The following ERICH1 variants were observed in gnomAD, a reference collection of about 807,000 sequenced individuals.
The protein encoded by ERICH1 is glutamate-rich protein 1.
Under a neutral mutation model 39.6 loss-of-function variants are expected in ERICH1, and 56 were observed. That is an observed-to-expected ratio of 1.41 (90% CI 1.14 to 1.77). ERICH1 has a LOEUF of 1.77. Ranked by LOEUF, ERICH1 falls within the 40% of genes most tolerant of loss-of-function variation. The pLI is 0.00. For missense variants in ERICH1, 826 were observed against 575.4 expected (o/e 1.44, Z -4.45); for synonymous variants, 313 against 223.6 (o/e 1.40, Z -3.57).
chr8:695,665 C>A (rs113193611), intron 2 of ERICH1, among the ~76,000 whole-genome samples: 6 of 25,146 alleles, frequency 2.4e-4, no homozygotes, highest in South Asian at 3.9e-3. Context: ...CCACTCCTCT[C>A]CTTCCTCCCC....
At chr8:680,798 T>A (rs1248892041) in intron 3 of ERICH1, among the ~76,000 whole-genome samples, 1 of 152,180 alleles carries the variant, frequency 6.6e-6, no homozygotes, top group Admixed American at 6.5e-5. Context: ...ATCCTGACAG[T>A]GTGTGAGAGA....
chr8:626,182 T>C (rs938062845), intron 3 of ERICH1: 1 of 152,146 alleles, frequency 6.6e-6, no homozygotes, highest in Non-Finnish European at 1.5e-5. Context: ...TGAGCAAAAA[T>C]AGACAGCACA....
rs1418083851 is a variant in ERICH1 at position 715,351 on chromosome 8, C to A, written c.169+510G>T. On this transcript the variant is annotated intron_variant, in intron 2 of 5. Coordinates refer to ENST00000262109, the MANE Select transcript of ERICH1 (RefSeq NM_207332.3). ...AGTCTCACAGGTGAGCGGAGTTGCA[C>A]TGCAGGGACCAGAGCTGATGGGACT... is the stretch of plus-strand genomic sequence containing the variant. Among the ~76,000 whole-genome samples, 4 of 152,214 alleles carry A rather than the reference C, an allele frequency of 2.6e-5. No individual in the cohort carries two copies. The East Asian group carries it at 7.7e-4, about 29-fold the overall frequency.
intron 4 of ERICH1, among the ~76,000 whole-genome samples, chr8:671,353 A>T (rs1703933): frequency 1.4e-4 from 14 of 99,192 alleles, no homozygotes; most frequent in Admixed American, 6.4e-4. Flanking sequence ...CTCCAGGCTG[A>T]GACCTCTGAA....
At chr8:635,060 C>A (rs11136940) in intron 3 of ERICH1, among the ~76,000 whole-genome samples, 30,704 of 151,508 alleles carry the variant, frequency 0.2, 3,370 homozygotes, top group Middle Eastern at 0.33. Flanking sequence ...GCTTTGGACA[C>A]TCAGGGACGT....
Position 639,733 on chromosome 8 carries a change from G to T in ERICH1, c.977-24449C>A, listed in dbSNP as rs1798778026. On this transcript the variant is annotated intron_variant, in intron 3 of 3. Coordinates refer to the ERICH1 transcript ENST00000522706. Reference sequence around the variant, plus strand: ...CAGCCAGCCACGAATCCAGTTAGCAGACACAACCAAGCACCCTGGATTCAG... The same window carrying T: ...CAGCCAGCCACGAATCCAGTTAGCATACACAACCAAGCACCCTGGATTCAG... Among the ~76,000 whole-genome samples the T allele has an allele frequency of 2.4e-5, 3 of 122,516 alleles. 1 individual carries two copies. The highest frequency in any genetic ancestry group is 5.1e-5 in the Non-Finnish European group (3 of 59,170). The allele number at this position is 122,516 out of a possible 152,430, so 80.4% of individuals were successfully genotyped here.
intron 1 of ERICH1, among the ~76,000 whole-genome samples, chr8:727,561 C>T (rs764623920): frequency 3.3e-5 from 5 of 152,212 alleles, no homozygotes; most frequent in Non-Finnish European, 5.9e-5. Flanking sequence ...CCTGCAAGGG[C>T]GAGTGAAGCT....
Position 649,631 on chromosome 8 carries a change from C to T in ERICH1, c.976+18967G>A, listed in dbSNP as rs537849329. Among the ~76,000 whole-genome samples the T allele has an allele frequency of 2.3e-3, 343 of 152,240 alleles. 1 individual carries two copies. The highest frequency in any genetic ancestry group is 7.8e-3 in the African/African-American group (323 of 41,554). On this transcript the variant is annotated intron_variant, in intron 3 of 3. Transcript: ENST00000522706. ...GGGGATTGGGGTGGGGCCGCGCCGG[C>T]TGCTGTGAGCCCTTCCTGCAGGAAG...
At chr8:642,407 C>T (rs1374818680) in intron 3 of ERICH1, among the ~76,000 whole-genome samples, 3 of 134,424 alleles carry the variant, frequency 2.2e-5, no homozygotes, top group African/African-American at 8.6e-5. Context: ...TGCAGTGGTG[C>T]GATCTCGGCT....
intron 2 of ERICH1, among the ~76,000 whole-genome samples, chr8:702,833 CGA>C (rs903660427): frequency 1.3e-5 from 2 of 152,202 alleles, no homozygotes; most frequent in African/African-American, 4.8e-5. Flanking sequence ...AAGGCAGGAG[CGA>C]GAGCTGGATG....
chr8:692,658 A>G, intron 2 of ERICH1, 46 bp from the exon 3 acceptor site: 1 of 1,524,254 alleles, frequency 6.6e-7, no homozygotes, highest in Non-Finnish European at 8.8e-7. Context: ...ATATCACAAA[A>G]TGCAGTCATT....
At chr8:653,331 C>T (rs533149390) in intron 3 of ERICH1, among the ~76,000 whole-genome samples, 1 of 152,356 alleles carries the variant, frequency 6.6e-6, no homozygotes, top group East Asian at 1.9e-4. Flanking sequence ...TAATAGCAGA[C>T]AGGACTGAAA....
intron 3 of ERICH1, among the ~76,000 whole-genome samples, chr8:620,998 G>A (rs540996243): frequency 2.8e-4 from 42 of 152,236 alleles, no homozygotes; most frequent in Admixed American, 2.4e-3. Context: ...CGTTCTCCAC[G>A]ACTGACAATA....
chr8:624,591 C>G (rs1797491257), intron 3 of ERICH1, among the ~76,000 whole-genome samples: 1 of 152,130 alleles, frequency 6.6e-6, no homozygotes, highest in Non-Finnish European at 1.5e-5. Context: ...GGAAGCATGG[C>G]TGGGGAGGTC....
intron 3 of ERICH1, among the ~76,000 whole-genome samples, chr8:650,241 G>C (rs1799776774): frequency 6.6e-6 from 1 of 152,184 alleles, no homozygotes; most frequent in South Asian, 2.1e-4. Context: ...GCCGGCCTCC[G>C]CCAGGCCGAG....
chr8:680,325 A>G (rs1805816661), intron 3 of ERICH1, among the ~76,000 whole-genome samples: 1 of 124,358 alleles, frequency 8.0e-6, no homozygotes, highest in Non-Finnish European at 1.7e-5. Context: ...AAGATGCAAG[A>G]GAATCCACAG....
intron 3 of ERICH1, chr8:625,801 C>T (rs1174985160): frequency 1.3e-5 from 2 of 152,202 alleles, no homozygotes; most frequent in African/African-American, 4.8e-5. Flanking sequence ...CCTCGCCGGG[C>T]AATGATGTAT....
At position 673,635 on chromosome 8, in the gene ERICH1, C is replaced by T; in HGVS notation, c.717G>A (p.Glu239=). 1 of 1,610,130 alleles carries T rather than the reference C, an allele frequency of 6.2e-7. No individual in the cohort carries two copies. The highest frequency in any genetic ancestry group is 8.5e-7 in the Non-Finnish European group (1 of 1,177,420). The change falls in exon 4 of 6, where the codon GAG becomes GAA. Residue 239 remains glutamate, a synonymous_variant. Transcript: ENST00000262109. ...CCTGCCTGGCCCGTGTCAGGTCTTC[C>T]TCGCTAGCGTCCGCACCATCTTCCT... ...TREEDGADAS[E]EDLTRARQEE...
intron 1 of ERICH1, among the ~76,000 whole-genome samples, chr8:728,224 C>A (rs1322180777): frequency 1.3e-5 from 2 of 152,206 alleles, no homozygotes; most frequent in Non-Finnish European, 2.9e-5. Flanking sequence ...GCCAGCCCAA[C>A]AGCAAGACTC....
Sources: allele counts gnomAD v4.1 joint callset (sites outside exome capture counted in the v4.1 genomes callset), GRCh38; gene constraint gnomAD v4.1.1; transcripts MANE v1.5; gene names NCBI Gene and HGNC (gene_info 2026-07-23, HGNC 2026-07-21).